The following ANKRD30B variants were observed in gnomAD, a reference collection of about 807,000 sequenced individuals.
The protein encoded by ANKRD30B is ankyrin repeat domain 30B, also known as ankyrin repeat domain-containing protein 30B.
ANKRD30B carries 144 observed loss-of-function variants against 202.2 expected under a neutral mutation model. The observed-to-expected ratio is 0.71, with a 90% CI of 0.62 to 0.82. The LOEUF is 0.82. Among genes scored for constraint, ANKRD30B ranks in the 40% least tolerant of loss-of-function variants. The pLI, the probability that ANKRD30B is intolerant of heterozygous loss-of-function variation, is 0.00. For synonymous variants in ANKRD30B, 508 were observed against 561.3 expected, an observed-to-expected ratio of 0.91 and a Z score of 1.34; for missense variants, 1,487 against 1,669.1, an observed-to-expected ratio of 0.89 and a Z score of 1.90.
At chr18:14,931,280 T>C in the ANKRD30B span, among the ~76,000 whole-genome samples, 2 of 152,174 alleles carry the variant, frequency 1.3e-5, no homozygotes, top group Admixed American at 6.5e-5. Context: ...AGAAGTGTCC[T>C]AGAGTGGAAA....
chr18:14,914,102 A>G, the ANKRD30B span, among the ~76,000 whole-genome samples: 1 of 152,178 alleles, frequency 6.6e-6, no homozygotes, highest in Admixed American at 6.5e-5. Context: ...ACAGCTCTTC[A>G]AGGATGTTAA....
At chr18:14,920,549 T>C in the ANKRD30B span, among the ~76,000 whole-genome samples, 1 of 152,186 alleles carries the variant, frequency 6.6e-6, no homozygotes, top group African/African-American at 2.4e-5. Flanking sequence ...CCTGGGGCTA[T>C]AGCACAAAAG....
Position 14,748,561 on chromosome 18 carries a change from C to A in ANKRD30B, c.142C>A (p.Arg48=), listed in dbSNP as rs755214301. The A allele has an allele frequency of 9.6e-5, 149 of 1,559,760 alleles. 1 individual carries two copies. The Admixed American group carries it at 2.8e-3, about 30-fold the overall frequency. Residue 48 remains arginine, a synonymous_variant, in exon 1 of 44, where the codon CGG becomes AGG. Coordinates refer to ENST00000690538, the MANE Select transcript of ANKRD30B (RefSeq NM_001367607.2). The part of the protein sequence containing the change: ...DLGKIHTAAS[R]GQVQKLEKMT... Reference sequence around the variant, plus strand: ...AGGGAAGATCCATACAGCTGCCTCCCGGGGCCAAGTCCAGAAGCTGGAGAA... The same window carrying A: ...AGGGAAGATCCATACAGCTGCCTCCAGGGGCCAAGTCCAGAAGCTGGAGAA...
intron 3 of ANKRD30B, among the ~76,000 whole-genome samples, chr18:14,754,568 CTAT>C (rs1322625133): frequency 6.6e-6 from 1 of 152,090 alleles, no homozygotes; most frequent in Non-Finnish European, 1.5e-5. Context: ...GTATTTACTA[CTAT>C]GTCTTAGGGT....
rs762249858 is a variant in ANKRD30B, at chr18:14,796,370, C to T, written c.1882C>T (p.Pro628Ser). 2 of 1,569,026 alleles carry T rather than the reference C, an allele frequency of 1.3e-6. No homozygotes were observed. The highest frequency in any genetic ancestry group is 2.3e-5 in the South Asian group (2 of 86,882). Residue 628 changes from proline to serine, a missense_variant, in exon 18 of 44, where the codon CCA (proline) becomes TCA (serine). Coordinates refer to ENST00000690538, the MANE Select transcript of ANKRD30B (RefSeq NM_001367607.2). ...TACCTGTGGAAGGAAAGTTTCTCTT[C>T]CAAATAAAGCCTTAGAATTAAAGGA... ...KPTCGRKVSLPNKALELKDRE... is the reference protein window; with the variant it reads ...KPTCGRKVSLSNKALELKDRE...
chr18:14,879,795 C>T, the ANKRD30B span, among the ~76,000 whole-genome samples: 1 of 149,340 alleles, frequency 6.7e-6, no homozygotes, highest in East Asian at 2.0e-4. Context: ...GGTTAAGGGT[C>T]AGGGTCAGGG....
At chr18:14,817,291 A>G (rs1409896605) in intron 30 of ANKRD30B, among the ~76,000 whole-genome samples, 1 of 152,190 alleles carries the variant, frequency 6.6e-6, no homozygotes, top group South Asian at 2.1e-4. Flanking sequence ...GCCATTACAA[A>G]TGTGGCTCAC....
chr18:14,847,088 ATAT>A (rs1167544956), intron 39 of ANKRD30B, among the ~76,000 whole-genome samples: 1 of 78,822 alleles, frequency 1.3e-5, no homozygotes, highest in Non-Finnish European at 2.7e-5. Flanking sequence ...ATATATATAT[ATAT>A]ATGTATAATG....
At chr18:14,874,322 C>T in the ANKRD30B span, among the ~76,000 whole-genome samples, 8 of 152,100 alleles carry the variant, frequency 5.3e-5, no homozygotes, top group Non-Finnish European at 1.0e-4. Flanking sequence ...TTATTATTTG[C>T]TGTAGTATGT....
the ANKRD30B span, among the ~76,000 whole-genome samples, chr18:14,927,029 TTTC>T: frequency 6.6e-6 from 1 of 152,152 alleles, no homozygotes; most frequent in African/African-American, 2.4e-5. Flanking sequence ...CTAATTTTTG[TTTC>T]TTCTTCTCTT....
At chr18:14,753,206 C>A (rs1271982331) in intron 3 of ANKRD30B, among the ~76,000 whole-genome samples, 194 bp downstream of exon 3, 2 of 152,030 alleles carry the variant, frequency 1.3e-5, no homozygotes, top group African/African-American at 4.8e-5. Flanking sequence ...CTTTTCTGTG[C>A]ATTTATGATA....
At chr18:14,783,266 A>G (rs1291006311) in intron 12 of ANKRD30B, among the ~76,000 whole-genome samples, 1 of 152,174 alleles carries the variant, frequency 6.6e-6, no homozygotes, top group Non-Finnish European at 1.5e-5. Flanking sequence ...ATACCTTGGT[A>G]ATACACAGTA....
the ANKRD30B span, among the ~76,000 whole-genome samples, chr18:14,918,190 C>A: frequency 1.3e-5 from 2 of 152,074 alleles, no homozygotes; most frequent in African/African-American, 4.8e-5. Context: ...TTATTTCTTG[C>A]CTGGAAGACT....
intron 33 of ANKRD30B, among the ~76,000 whole-genome samples, chr18:14,831,181 G>GAAAAAAAAAAA (rs71305894): frequency 0.16 from 8,038 of 51,638 alleles, 1,374 homozygotes; most frequent in Non-Finnish European, 0.19. Context: ...CTCCGTCTCG[G>GAAAAAAAAAAA]AAAAAAAAAA....
intron 30 of ANKRD30B, among the ~76,000 whole-genome samples, chr18:14,820,078 A>G (rs1349635937): frequency 5.9e-5 from 9 of 152,108 alleles, no homozygotes; most frequent in African/African-American, 1.9e-4. Flanking sequence ...GGTCCTTCAC[A>G]TCCCTTGTAA....
At position 14,748,519 on chromosome 18, in the gene ANKRD30B, A is replaced by T. The variant is rs1204801495; in HGVS notation, c.100A>T (p.Ile34Phe). Residue 34 changes from isoleucine (I) to phenylalanine (F), a missense_variant, in exon 1 of 44, where the codon ATC (isoleucine) becomes TTC (phenylalanine). Around this residue, in one of 6 missense-constraint regions of ANKRD30B, gnomAD observed 889 missense variants for 841.4 expected, o/e 1.06. Coordinates refer to ENST00000690538, the MANE Select transcript of ANKRD30B (RefSeq NM_001367607.2). ...RVYTEKDYGT[I>F]YFGDLGKIHT... ...CTACACTGAGAAGGACTACGGGACC[A>T]TCTACTTCGGGGATCTAGGGAAGAT... The T allele has an allele frequency of 1.9e-6, 3 of 1,552,262 alleles. No individual in the cohort carries two copies. Among genetic ancestry groups the T allele is most frequent in the South Asian group, 2.4e-5 (2 of 84,070 alleles).
At chr18:14,753,995 T>G (rs1430047647) in intron 3 of ANKRD30B, among the ~76,000 whole-genome samples, 13 of 152,298 alleles carry the variant, frequency 8.5e-5, no homozygotes, top group Admixed American at 7.8e-4. Flanking sequence ...GAAGTAGATA[T>G]GCATTAGGAT....
chr18:14,843,514 G>A (rs1024290011), intron 39 of ANKRD30B, among the ~76,000 whole-genome samples: 6 of 150,506 alleles, frequency 4.0e-5, no homozygotes, highest in African/African-American at 1.5e-4. Flanking sequence ...GTCATTTGAA[G>A]CATCCTAAGG....
chr18:14,751,658 A>T (rs1913475977), intron 1 of ANKRD30B, among the ~76,000 whole-genome samples: 1 of 152,192 alleles, frequency 6.6e-6, no homozygotes, highest in African/African-American at 2.4e-5. Flanking sequence ...GTAAATCTAA[A>T]TAGGGAATAA....
Sources: gnomAD v4.1 joint callset for allele counts (sites outside exome capture counted in the v4.1 genomes callset) on GRCh38, gnomAD v4.1.1 for gene constraint, gnomAD v4.1.1 regional missense constraint, MANE v1.5 for transcripts, NCBI Gene and HGNC (gene_info 2026-07-23, HGNC 2026-07-21) for gene names.